Variants in RAB2A observed in about 807,000 individuals in gnomAD.
The protein encoded by RAB2A is ras-related protein Rab-2A.
A neutral mutation model predicts 32.5 loss-of-function variants in RAB2A; 7 were observed. The ratio of observed to expected loss-of-function variants is 0.22; its 90% CI spans 0.12 to 0.40. RAB2A has a LOEUF of 0.40. Ranked by LOEUF, RAB2A falls within the 10% of genes least tolerant of loss-of-function variation. RAB2A has a pLI of 1.00. For synonymous variants in RAB2A, 79 were observed against 85.2 expected, an observed-to-expected ratio of 0.93 and a Z score of 0.40; for missense variants, 108 against 260.7, an observed-to-expected ratio of 0.41 and a Z score of 4.03.
At chr8:60,518,702 C>T (rs975430867) in intron 1 of RAB2A, among the ~76,000 whole-genome samples, 2 of 144,660 alleles carry the variant, frequency 1.4e-5, no homozygotes, top group Non-Finnish European at 3.0e-5. Flanking sequence ...TGCGTGCGTG[C>T]GTGTGTGTGT....
At chr8:60,602,510 G>T (rs188615292) in intron 6 of RAB2A, among the ~76,000 whole-genome samples, 90 of 152,258 alleles carry the variant, frequency 5.9e-4, no homozygotes, top group African/African-American at 2.1e-3. Flanking sequence ...TAACAAAAGG[G>T]TTTCTTCCTC....
intron 1 of RAB2A, among the ~76,000 whole-genome samples, chr8:60,539,400 C>G (rs577966534): frequency 6.6e-6 from 1 of 152,256 alleles, no homozygotes; most frequent in East Asian, 1.9e-4. Flanking sequence ...TTATTTCTCA[C>G]AATAGCCAAT....
chr8:60,578,891 A>C (rs1803686854), intron 3 of RAB2A, among the ~76,000 whole-genome samples: 1 of 152,214 alleles, frequency 6.6e-6, no homozygotes, highest in Non-Finnish European at 1.5e-5. Flanking sequence ...ATGAAAGATG[A>C]AGGTGTAAGA....
rs1184524070 is a variant in RAB2A at position 60,545,892 on chromosome 8, T to G, written c.47-12960T>G. 2.6e-5 allele frequency among the ~76,000 whole-genome samples: 4 copies of G among 152,246 alleles called. No homozygotes were observed. The East Asian group carries it at 7.7e-4, about 29-fold the overall frequency. ...TTATTCATTAAACAAATATTCATTA[T>G]TCATTAAATTATTAAATTATTCATT... On this transcript the variant is annotated intron_variant, in intron 1 of 7. Coordinates refer to ENST00000262646, the MANE Select transcript of RAB2A (RefSeq NM_002865.3).
At chr8:60,573,225 C>G (rs1297515915) in intron 3 of RAB2A, among the ~76,000 whole-genome samples, 6 of 152,286 alleles carry the variant, frequency 3.9e-5, no homozygotes. Context: ...GAAAGGTCTC[C>G]TGTTGTGTCA....
intron 5 of RAB2A, among the ~76,000 whole-genome samples, chr8:60,585,338 G>A (rs1803830688): frequency 6.9e-6 from 1 of 144,322 alleles, no homozygotes; most frequent in Admixed American, 6.7e-5. Flanking sequence ...TTTGAGACAG[G>A]GACTCACTCT....
chr8:60,611,445 T>C (rs1804346717), intron 6 of RAB2A, among the ~76,000 whole-genome samples: 1 of 152,234 alleles, frequency 6.6e-6, no homozygotes, highest in Non-Finnish European at 1.5e-5. Flanking sequence ...AGGGCTTTTC[T>C]CTCTCAGAAG....
At chr8:60,620,195 T>C (rs1804506666) in intron 7 of RAB2A, among the ~76,000 whole-genome samples, 1 of 152,276 alleles carries the variant, frequency 6.6e-6, no homozygotes, top group Admixed American at 6.5e-5. Flanking sequence ...GTGTGGGTTC[T>C]TGGCAAGCTG....
At chr8:60,606,091 G>A (rs945517119) in intron 6 of RAB2A, among the ~76,000 whole-genome samples, 6 of 152,150 alleles carry the variant, frequency 3.9e-5, no homozygotes, top group African/African-American at 1.4e-4. Flanking sequence ...GGAAGTTGCA[G>A]TGAGCTCAAA....
At chr8:60,620,073 T>C (rs933511467) in intron 7 of RAB2A, among the ~76,000 whole-genome samples, 4 of 152,254 alleles carry the variant, frequency 2.6e-5, no homozygotes, top group Non-Finnish European at 4.4e-5. Flanking sequence ...GCTTAATTTC[T>C]GAAGCTACTG....
At chr8:60,537,882 G>A (rs1480218927) in intron 1 of RAB2A, among the ~76,000 whole-genome samples, 1 of 151,992 alleles carries the variant, frequency 6.6e-6, no homozygotes, top group Non-Finnish European at 1.5e-5. Context: ...ATCTCACTAG[G>A]TGGCCCCAAC....
chr8:60,566,379 A>G (rs1198726895), intron 2 of RAB2A, among the ~76,000 whole-genome samples: 1 of 152,010 alleles, frequency 6.6e-6, no homozygotes, highest in African/African-American at 2.4e-5. Flanking sequence ...TTTAAGAACT[A>G]TTTATCTTCT....
chr8:60,549,865 A>G (rs1440009347), intron 1 of RAB2A, among the ~76,000 whole-genome samples: 7 of 150,234 alleles, frequency 4.7e-5, no homozygotes, highest in Admixed American at 1.3e-4. Context: ...CAGGCTTTCT[A>G]TTCGTCCTCC....
intron 1 of RAB2A, among the ~76,000 whole-genome samples, chr8:60,542,577 T>G (rs1807663774): frequency 6.6e-6 from 1 of 152,158 alleles, no homozygotes; most frequent in Non-Finnish European, 1.5e-5. Flanking sequence ...GATACTGACA[T>G]ATAGGAACAT....
Position 60,517,264 on chromosome 8 carries a change from C to T in RAB2A, c.46+11C>T, listed in dbSNP as rs1213142584. ...TAATCGGCGACACAGGTGAGGGCCC[C>T]GGGCGCGGCCGGGCGGGTGTCGGCG... On this transcript the variant is annotated intron_variant, in intron 1 of 7. Transcript: ENST00000262646. The T allele has an allele frequency of 8.8e-6, 13 of 1,480,918 alleles. No homozygotes were observed. The highest frequency in any genetic ancestry group is 3.0e-5 in the East Asian group (1 of 33,312). 91.7% of individuals were successfully genotyped at this position (1,480,918 alleles called of 1,614,324 possible). A position where few individuals can be genotyped will look rare whatever the true frequency, so the allele number is the denominator to read the frequency against.
chr8:60,539,510 G>T (rs1807606638), intron 1 of RAB2A, among the ~76,000 whole-genome samples: 1 of 152,176 alleles, frequency 6.6e-6, no homozygotes, highest in Non-Finnish European at 1.5e-5. Context: ...TTCAAATCTA[G>T]CCCAGTAAAT....
At chr8:60,525,825 CT>C (rs1807368946) in intron 1 of RAB2A, among the ~76,000 whole-genome samples, 1 of 151,234 alleles carries the variant, frequency 6.6e-6, no homozygotes, top group Non-Finnish European at 1.5e-5. Context: ...GCTGGGTAGG[CT>C]GCATGCATTG....
At chr8:60,577,792 A>ATTTTTTTTTT (rs3055112) in intron 3 of RAB2A, among the ~76,000 whole-genome samples, 277 of 112,914 alleles carry the variant, frequency 2.5e-3, no homozygotes, top group Middle Eastern at 6.8e-3. Flanking sequence ...CGCCCGGCTA[A>ATTTTTTTTTT]TTTTTTTTTT....
chr8:60,594,759 T>G (rs943202299), intron 6 of RAB2A, among the ~76,000 whole-genome samples: 9 of 152,228 alleles, frequency 5.9e-5, no homozygotes, highest in African/African-American at 2.2e-4. Flanking sequence ...TGTGATAGTT[T>G]GCTGAGAATT....
Sources: gnomAD v4.1 joint callset for allele counts (sites outside exome capture counted in the v4.1 genomes callset) on GRCh38, gnomAD v4.1.1 for gene constraint, MANE v1.5 for transcripts, NCBI Gene and HGNC (gene_info 2026-07-23, HGNC 2026-07-21) for gene names.